CSMD1: variants seen among roughly 807,000 people sequenced by gnomAD.
CSMD1 encodes CUB and sushi domain-containing protein 1.
A neutral mutation model predicts 417.5 loss-of-function variants in CSMD1; 213 were observed. That is an observed-to-expected ratio of 0.51 (90% CI 0.46 to 0.57). The LOEUF (loss-of-function observed/expected upper bound fraction) is 0.57. Among genes scored for constraint, CSMD1 ranks in the 20% least tolerant of loss-of-function variants. CSMD1 has a pLI of 0.00. For synonymous variants in CSMD1, 2,862 were observed against 1,736.8 expected, an observed-to-expected ratio of 1.65 and a Z score of -16.11; for missense variants, 6,923 against 4,529.7, an observed-to-expected ratio of 1.53 and a Z score of -15.17.
intron 3 of CSMD1, among the ~76,000 whole-genome samples, chr8:4,112,141 G>T (rs192350243): frequency 1.3e-5 from 2 of 152,276 alleles, no homozygotes; most frequent in Admixed American, 1.3e-4. Flanking sequence ...TCAAAGTGCT[G>T]GGCATCCAGA....
intron 52 of CSMD1, among the ~76,000 whole-genome samples, chr8:3,006,005 T>C (rs921046203): frequency 6.6e-6 from 1 of 152,148 alleles, no homozygotes; most frequent in African/African-American, 2.4e-5. Flanking sequence ...GACGACATGA[T>C]TGTATACCTA....
intron 1 of CSMD1, among the ~76,000 whole-genome samples, chr8:4,751,892 T>C (rs997151355): frequency 5.3e-5 from 8 of 152,190 alleles, no homozygotes; most frequent in African/African-American, 1.9e-4. Flanking sequence ...AATCATCCAC[T>C]TTCTCAGTAA....
intron 40 of CSMD1, among the ~76,000 whole-genome samples, chr8:3,145,101 G>C (rs6558724): frequency 0.57 from 86,829 of 151,890 alleles, 25,279 homozygotes; most frequent in African/African-American, 0.63. Context: ...GTGTTTGTGT[G>C]ACTGCCTTAT....
At chr8:4,140,761 C>A (rs1350656201) in intron 3 of CSMD1, among the ~76,000 whole-genome samples, 1 of 150,902 alleles carries the variant, frequency 6.6e-6, no homozygotes, top group Non-Finnish European at 1.5e-5. Context: ...CATCTCCTCC[C>A]CTCCAGCTTT....
At chr8:3,447,370 T>C (rs56266075) in intron 12 of CSMD1, among the ~76,000 whole-genome samples, 3,291 of 151,476 alleles carry the variant, frequency 0.022, 133 homozygotes, top group African/African-American at 0.075. Context: ...AAGGAATGAA[T>C]AAAAGAAGAA....
chr8:3,146,252 C>G (rs536963070), intron 40 of CSMD1, among the ~76,000 whole-genome samples: 1 of 152,184 alleles, frequency 6.6e-6, no homozygotes, highest in East Asian at 1.9e-4. Flanking sequence ...CCCTTAGACA[C>G]TCTCAAGAAA....
At chr8:3,140,341 C>G (rs1004559515) in intron 41 of CSMD1, among the ~76,000 whole-genome samples, 10 of 108,180 alleles carry the variant, frequency 9.2e-5, no homozygotes, top group Non-Finnish European at 1.6e-4. Flanking sequence ...CTCTCTCTCT[C>G]TCTCTCTGTC....
At chr8:3,859,323 A>AT (rs1289572629) in intron 5 of CSMD1, among the ~76,000 whole-genome samples, 3 of 152,144 alleles carry the variant, frequency 2.0e-5, no homozygotes, top group African/African-American at 4.8e-5. Context: ...CGCTCGGCCT[A>AT]TTTTTTGTCA....
At chr8:4,677,520 T>A (rs527848415) in intron 1 of CSMD1, among the ~76,000 whole-genome samples, 39 of 152,298 alleles carry the variant, frequency 2.6e-4, no homozygotes, top group Admixed American at 1.1e-3. Flanking sequence ...AATTTTCCAG[T>A]GAAGGATTTC....
intron 5 of CSMD1, among the ~76,000 whole-genome samples, chr8:3,934,644 A>G (rs533883598): frequency 6.6e-6 from 1 of 152,190 alleles, no homozygotes; most frequent in South Asian, 2.1e-4. Context: ...ACCTCAGGTC[A>G]GGAGTTCGAG....
intron 3 of CSMD1, among the ~76,000 whole-genome samples, chr8:4,391,205 T>C (rs956246293): frequency 2.0e-5 from 3 of 152,172 alleles, no homozygotes; most frequent in Non-Finnish European, 4.4e-5. Flanking sequence ...AAAAGTTGCA[T>C]TTCATGCAGT....
intron 10 of CSMD1, among the ~76,000 whole-genome samples, chr8:3,513,878 A>C (rs996053494): frequency 3.3e-5 from 5 of 152,212 alleles, no homozygotes; most frequent in African/African-American, 1.2e-4. Context: ...AAAGTAGATA[A>C]ACACACAAAG....
chr8:4,057,992 C>T (rs563844511), intron 3 of CSMD1, among the ~76,000 whole-genome samples: 2 of 151,220 alleles, frequency 1.3e-5, no homozygotes, highest in African/African-American at 4.9e-5. Context: ...TGTTCTTTTG[C>T]CTTAGGATTG....
intron 1 of CSMD1, among the ~76,000 whole-genome samples, chr8:4,947,924 C>T (rs1808475154): frequency 6.6e-6 from 1 of 152,000 alleles, no homozygotes; most frequent in Non-Finnish European, 1.5e-5. Context: ...TCGGGTAATT[C>T]TTGGGTGCTT....
intron 7 of CSMD1, among the ~76,000 whole-genome samples, chr8:3,690,130 C>T (rs376934290): frequency 8.5e-5 from 13 of 152,072 alleles, no homozygotes; most frequent in Non-Finnish European, 1.3e-4. Context: ...AGGCTGAGAC[C>T]GGAGGATCAC....
rs1554457658 is a variant in CSMD1, at chr8:3,188,307, T to TC, written c.5524-343_5524-342insG. Among the ~76,000 whole-genome samples the TC allele has an allele frequency of 7.7e-4, 101 of 130,622 alleles. No individual in the cohort carries two copies. In the South Asian group the frequency reaches 0.016, roughly 20 times the overall value. The allele number at this position is 130,622 out of a possible 152,430, so 85.7% of individuals were successfully genotyped here. On this transcript the variant is annotated intron_variant, in intron 35 of 69. Coordinates refer to ENST00000635120, the MANE Select transcript of CSMD1 (RefSeq NM_033225.6). ...ATTTTTCTTTTTCTTTTCCTTTCTT[T>TC]TTTTTTTTTTTTTTTTTGAGATGGA... is the stretch of plus-strand genomic sequence containing the variant.
Position 2,983,092 on chromosome 8 carries a change from T to C in CSMD1, c.8378-4292A>G, listed in dbSNP as rs546015738. Among the ~76,000 whole-genome samples the C allele has an allele frequency of 4.6e-5, 7 of 152,340 alleles. No individual in the cohort carries two copies. The South Asian group carries it at 1.2e-3, about 27-fold the overall frequency. On this transcript the variant is annotated intron_variant, in intron 54 of 69. Coordinates refer to ENST00000635120, the MANE Select transcript of CSMD1 (RefSeq NM_033225.6). ...ACACTTCAACTGTTTTTTAATTAGA[T>C]AATGTAATTCCAAGTTCCATCTGTT...
At chr8:4,212,174 T>TTACATATATATATATA (rs1800352760) in intron 3 of CSMD1, among the ~76,000 whole-genome samples, 2 of 145,716 alleles carry the variant, frequency 1.4e-5, no homozygotes, top group African/African-American at 5.0e-5. Context: ...ACTTCCCTAT[T>TTACATATATATATATA]TATATATATA....
At chr8:4,929,644 T>C (rs1323857598) in intron 1 of CSMD1, among the ~76,000 whole-genome samples, 1 of 152,190 alleles carries the variant, frequency 6.6e-6, no homozygotes, top group African/African-American at 2.4e-5. Context: ...CTGATTCAAT[T>C]AACTGACACA....
Sources: gnomAD v4.1 joint callset for allele counts (sites outside exome capture counted in the v4.1 genomes callset) on GRCh38, gnomAD v4.1.1 for gene constraint, MANE v1.5 for transcripts, NCBI Gene and HGNC (gene_info 2026-07-23, HGNC 2026-07-21) for gene names.